Variants in MCTP1 observed in about 807,000 individuals in gnomAD.
The protein encoded by MCTP1 is multiple C2 and transmembrane domain-containing protein 1.
In MCTP1, 69 loss-of-function variants were observed where a neutral mutation model predicts 120.6. That is an observed-to-expected ratio of 0.57 (90% CI 0.47 to 0.70). The LOEUF (loss-of-function observed/expected upper bound fraction) is 0.70, where lower values mean the gene tolerates loss of function less well. Ranked by LOEUF, MCTP1 falls within the 30% of genes least tolerant of loss-of-function variation. The probability of loss-of-function intolerance (pLI) is 0.00; values close to 1 mark genes in which losing one functional copy is unlikely to be tolerated. For missense variants in MCTP1, 1,203 were observed against 1,248.8 expected (o/e 0.96, Z 0.55); for synonymous variants, 529 against 493.1 (o/e 1.07, Z -0.96).
At chr5:94,872,684 A>C (rs1478787380) in intron 13 of MCTP1, among the ~76,000 whole-genome samples, 1 of 152,096 alleles carries the variant, frequency 6.6e-6, no homozygotes, top group Non-Finnish European at 1.5e-5. Context: ...TATCTAGGAC[A>C]ATACTTAATA....
Position 95,108,708 on chromosome 5 carries a change from C to A in MCTP1, c.721-91224G>T, listed in dbSNP as rs114007455. On this transcript the variant is annotated intron_variant, in intron 1 of 22. Transcript: ENST00000515393. ...GCGTTTTGCAACATCGATACTGTCACTTATGTGTCGTAATATCCATCAATA... is the reference window on the plus strand; with the variant it reads ...GCGTTTTGCAACATCGATACTGTCAATTATGTGTCGTAATATCCATCAATA... Among the ~76,000 whole-genome samples, 990 of 152,320 alleles carry A rather than the reference C, an allele frequency of 6.5e-3. 9 individuals are homozygous for A. Among genetic ancestry groups the A allele is most frequent in the South Asian group, 0.018 (89 of 4,822 alleles).
intron 1 of MCTP1, among the ~76,000 whole-genome samples, chr5:95,277,310 G>T (rs1033844106): frequency 2.0e-5 from 3 of 152,110 alleles, no homozygotes; most frequent in African/African-American, 7.2e-5. Flanking sequence ...CCCCTCACCA[G>T]GCTTTAATTC....
rs768897660 is a variant in MCTP1, at chr5:94,708,586, G to C, written c.2854C>G (p.Leu952Val). 1 of 1,609,948 alleles carries C rather than the reference G, an allele frequency of 6.2e-7. No individual in the cohort carries two copies. The highest frequency in any genetic ancestry group is 2.2e-5 in the East Asian group (1 of 44,774). ...VWGINKFTKK[L>V]RSPYAIDNNE... Reference sequence around the variant, plus strand: ...TTATCAATTGCATATGGACTCCGAAGCTTTTTTGTAAATTTATTGATGCCT... The same window carrying C: ...TTATCAATTGCATATGGACTCCGAACCTTTTTTGTAAATTTATTGATGCCT... The change falls in exon 22 of 23, where the codon CTT (leucine) becomes GTT (valine). Residue 952 changes from leucine (L) to valine (V), a missense_variant. Coordinates refer to ENST00000515393, the MANE Select transcript of MCTP1 (RefSeq NM_024717.7).
At chr5:95,245,469 G>C (rs1756655171) in intron 1 of MCTP1, among the ~76,000 whole-genome samples, 1 of 152,154 alleles carries the variant, frequency 6.6e-6, no homozygotes, top group African/African-American at 2.4e-5. Context: ...AAACAGTGTA[G>C]AGAAGACCTT....
intron 1 of MCTP1, among the ~76,000 whole-genome samples, chr5:95,227,767 T>C (rs1754451841): frequency 6.6e-6 from 1 of 152,178 alleles, no homozygotes; most frequent in African/African-American, 2.4e-5. Flanking sequence ...CATTACCTTA[T>C]ATTAACATTA....
Position 94,923,947 on chromosome 5 carries a change from G to C in MCTP1, c.1272+15C>G, listed in dbSNP as rs771858091. The C allele has an allele frequency of 4.7e-6, 7 of 1,483,372 alleles. No homozygotes were observed. Among genetic ancestry groups the C allele is most frequent in the Admixed American group, 2.5e-5 (1 of 40,650 alleles). 91.9% of individuals were successfully genotyped at this position (1,483,372 alleles called of 1,614,324 possible). ...CAAAAATCAAGAATATTAACAAAAA[G>C]GATTTAGACATTACCCTCCAAAAGA... On this transcript the variant is annotated intron_variant, in intron 7 of 22. Transcript: ENST00000515393.
At chr5:95,068,477 C>T (rs1159903213) in intron 1 of MCTP1, among the ~76,000 whole-genome samples, 2 of 152,160 alleles carry the variant, frequency 1.3e-5, no homozygotes, top group Non-Finnish European at 2.9e-5. Flanking sequence ...TAGTCTAATA[C>T]GTCAACTTCC....
intron 1 of MCTP1, among the ~76,000 whole-genome samples, chr5:95,137,631 T>C (rs1759545099): frequency 6.6e-6 from 1 of 152,208 alleles, no homozygotes; most frequent in African/African-American, 2.4e-5. Flanking sequence ...CTGTGGCACA[T>C]TTGTGGAAAT....
At chr5:95,140,293 G>C (rs2152437010) in intron 1 of MCTP1, among the ~76,000 whole-genome samples, 1 of 152,168 alleles carries the variant, frequency 6.6e-6, no homozygotes, top group Admixed American at 6.5e-5. Flanking sequence ...CTGCAACCCG[G>C]GACTTTGCAG....
intron 20 of MCTP1, among the ~76,000 whole-genome samples, chr5:94,713,018 T>C (rs529705987): frequency 1.3e-5 from 2 of 152,224 alleles, no homozygotes; most frequent in Admixed American, 6.5e-5. Context: ...TTTCTATTTC[T>C]ACACTCTGCA....
At chr5:95,256,055 T>C (rs1272330762) in intron 1 of MCTP1, among the ~76,000 whole-genome samples, 1 of 152,226 alleles carries the variant, frequency 6.6e-6, no homozygotes, top group Non-Finnish European at 1.5e-5. Flanking sequence ...CACACCAAGT[T>C]CTGCCATGTG....
intron 1 of MCTP1, among the ~76,000 whole-genome samples, chr5:95,123,967 A>C (rs1339140947): frequency 6.6e-6 from 1 of 152,104 alleles, no homozygotes; most frequent in Non-Finnish European, 1.5e-5. Flanking sequence ...CTGATTTTTT[A>C]AAATAAGCCC....
At chr5:94,950,150 A>C (rs983091658) in intron 3 of MCTP1, among the ~76,000 whole-genome samples, 5 of 152,074 alleles carry the variant, frequency 3.3e-5, no homozygotes, top group African/African-American at 1.2e-4. Flanking sequence ...AAATATTATA[A>C]AGTATTGTAT....
chr5:95,016,234 T>C (rs1837081056), intron 2 of MCTP1, among the ~76,000 whole-genome samples: 1 of 152,068 alleles, frequency 6.6e-6, no homozygotes, highest in Non-Finnish European at 1.5e-5. Context: ...CAGGCTGGTC[T>C]CAAGCTCCTG....
rs1803915461 is a variant in MCTP1, at chr5:94,896,103, T to C, written c.1653-1268A>G. ...AAACTCTGAAGGGTGAAAAAACATATCACATCCCTTATCTCATATTTAAAT... is the reference window on the plus strand; with the variant it reads ...AAACTCTGAAGGGTGAAAAAACATACCACATCCCTTATCTCATATTTAAAT... On this transcript the variant is annotated intron_variant, in intron 10 of 22. Transcript: ENST00000515393. 2.0e-5 allele frequency among the ~76,000 whole-genome samples: 3 copies of C among 152,156 alleles called. No homozygotes were observed. The South Asian group carries it at 6.2e-4, about 32-fold the overall frequency.
intron 1 of MCTP1, among the ~76,000 whole-genome samples, chr5:95,051,061 A>T (rs1745781508): frequency 6.6e-6 from 1 of 152,128 alleles, no homozygotes. Context: ...CTTTGAGCTG[A>T]GACTTCCAGC....
At chr5:94,938,730 C>T (rs1022542301) in intron 5 of MCTP1, among the ~76,000 whole-genome samples, 12 of 151,992 alleles carry the variant, frequency 7.9e-5, no homozygotes, top group African/African-American at 2.7e-4. Context: ...TCGGAGAATA[C>T]TAGAATCATT....
At chr5:95,205,365 A>G (rs1400594938) in intron 1 of MCTP1, among the ~76,000 whole-genome samples, 1 of 152,170 alleles carries the variant, frequency 6.6e-6, no homozygotes, top group Non-Finnish European at 1.5e-5. Flanking sequence ...TCAAAGAACT[A>G]AAGGTAAAAG....
chr5:95,033,328 A>G (rs375737037), intron 1 of MCTP1, among the ~76,000 whole-genome samples: 8 of 152,236 alleles, frequency 5.3e-5, no homozygotes, highest in African/African-American at 1.9e-4. Context: ...AAAACTGTCA[A>G]CAAAATACTA....
Sources: allele counts gnomAD v4.1 joint callset (sites outside exome capture counted in the v4.1 genomes callset), GRCh38; gene constraint gnomAD v4.1.1; transcripts MANE v1.5; gene names NCBI Gene and HGNC (gene_info 2026-07-23, HGNC 2026-07-21).